The following SLC30A9 variants were observed in gnomAD, a reference collection of about 807,000 sequenced individuals.
SLC30A9 encodes solute carrier family 30 member 9.
Under a neutral mutation model 87.5 loss-of-function variants are expected in SLC30A9, and 58 were observed. The ratio of observed to expected loss-of-function variants is 0.66; its 90% CI spans 0.54 to 0.82. The LOEUF is 0.82. SLC30A9 is among the 40% of genes least tolerant of loss of function. The pLI, the probability that SLC30A9 is intolerant of heterozygous loss-of-function variation, is 0.00. For synonymous variants in SLC30A9, 234 were observed against 233.0 expected (o/e 1.00, Z -0.04); for missense variants, 557 against 679.1 (o/e 0.82, Z 2.00).
At chr4:42,001,502 G>C (rs1714981912) in intron 1 of SLC30A9, 114 bp from the exon 2 acceptor site, 1 of 527,570 alleles carries the variant, frequency 1.9e-6, no homozygotes, top group Admixed American at 3.4e-5. Context: ...TTTACAAAAT[G>C]GTATTTCATG....
At chr4:42,084,112 C>T (rs1199769575) in intron 17 of SLC30A9, among the ~76,000 whole-genome samples, 3 of 152,172 alleles carry the variant, frequency 2.0e-5, no homozygotes, top group East Asian at 3.8e-4. Flanking sequence ...AGGAACTTTT[C>T]TCCCCTTTTT....
At chr4:42,083,885 C>T (rs1479540501) in intron 17 of SLC30A9, among the ~76,000 whole-genome samples, 1 of 152,074 alleles carries the variant, frequency 6.6e-6, no homozygotes, top group Non-Finnish European at 1.5e-5. Flanking sequence ...CCTGGTCATT[C>T]CCACATTAGG....
chr4:42,033,031 T>C (rs1286850848), intron 6 of SLC30A9, among the ~76,000 whole-genome samples: 1 of 152,192 alleles, frequency 6.6e-6, no homozygotes, highest in Non-Finnish European at 1.5e-5. Flanking sequence ...CTTTGTATCT[T>C]TAGTATATAT....
intron 11 of SLC30A9, among the ~76,000 whole-genome samples, chr4:42,064,925 T>C (rs1196197468): frequency 1.3e-5 from 2 of 152,182 alleles, no homozygotes; most frequent in Non-Finnish European, 2.9e-5. Context: ...CACCCCTGTC[T>C]AAAGCTTTTT....
chr4:42,076,688 G>A (rs1718562095), intron 16 of SLC30A9, among the ~76,000 whole-genome samples: 1 of 152,074 alleles, frequency 6.6e-6, no homozygotes, highest in African/African-American at 2.4e-5. Context: ...CCATGGCCGG[G>A]CGCGGTGGCT....
At chr4:42,062,910 T>C in intron 10 of SLC30A9, 76 bp from the exon 11 acceptor site, 1 of 1,216,766 alleles carries the variant, frequency 8.2e-7, no homozygotes. Context: ...GTCTTTTTCA[T>C]TGACCTATTA....
At chr4:42,001,095 A>C (rs1714963867) in intron 1 of SLC30A9, among the ~76,000 whole-genome samples, 1 of 152,078 alleles carries the variant, frequency 6.6e-6, no homozygotes, top group Non-Finnish European at 1.5e-5. Flanking sequence ...TTCTTCACTC[A>C]ATTAAAATTC....
chr4:41,994,702 A>G (rs972012825), intron 1 of SLC30A9, among the ~76,000 whole-genome samples: 3 of 151,746 alleles, frequency 2.0e-5, no homozygotes, highest in Non-Finnish European at 2.9e-5. Flanking sequence ...AGTCTGGCCA[A>G]CATCGTGAAA....
intron 14 of SLC30A9, 59 bp from the exon 15 acceptor site, chr4:42,070,467 A>G: frequency 7.4e-7 from 1 of 1,357,996 alleles, no homozygotes; most frequent in Admixed American, 1.9e-5. Context: ...GCTCTCTATA[A>G]AGTTCACTGA....
At chr4:42,047,408 A>G (rs1256390653) in intron 8 of SLC30A9, among the ~76,000 whole-genome samples, 1 of 152,260 alleles carries the variant, frequency 6.6e-6, no homozygotes, top group Non-Finnish European at 1.5e-5. Context: ...TGCATCAAAA[A>G]GTGGGTGAAG....
At chr4:42,033,502 AT>A (rs1372228849) in intron 6 of SLC30A9, among the ~76,000 whole-genome samples, 3 of 152,014 alleles carry the variant, frequency 2.0e-5, no homozygotes, top group Non-Finnish European at 4.4e-5. Flanking sequence ...TAAAAATAAT[AT>A]TTTTTAAAAA....
chr4:42,006,171 T>G (rs2153133506), intron 2 of SLC30A9, among the ~76,000 whole-genome samples: 1 of 152,356 alleles, frequency 6.6e-6, no homozygotes, highest in Middle Eastern at 3.4e-3. Flanking sequence ...TATATGCAAA[T>G]ACTGCACCAT....
chr4:42,001,879 C>A, intron 2 of SLC30A9, 99 bp downstream of exon 2: 2 of 699,744 alleles, frequency 2.9e-6, no homozygotes, highest in South Asian at 2.2e-5. Context: ...ACTTATAATA[C>A]TGTCTGGACT....
At chr4:42,051,553 T>G (rs1717384651) in intron 9 of SLC30A9, among the ~76,000 whole-genome samples, 1 of 151,988 alleles carries the variant, frequency 6.6e-6, no homozygotes, top group Non-Finnish European at 1.5e-5. Context: ...AAATCAAAGG[T>G]ATAAAAAATA....
At chr4:42,054,035 G>T (rs1001758618) in intron 9 of SLC30A9, among the ~76,000 whole-genome samples, 2 of 152,276 alleles carry the variant, frequency 1.3e-5, no homozygotes, top group African/African-American at 4.8e-5. Flanking sequence ...TGTTTCAAGG[G>T]TATGTGTATT....
chr4:42,006,686 CA>C (rs61627323), intron 2 of SLC30A9, among the ~76,000 whole-genome samples: 113 of 129,324 alleles, frequency 8.7e-4, no homozygotes, highest in Middle Eastern at 3.8e-3. Flanking sequence ...GACCCTGTCT[CA>C]AAAAAAAAAA....
chr4:42,067,025 T>G, intron 13 of SLC30A9, 60 bp from the exon 14 acceptor site: 1 of 925,624 alleles, frequency 1.1e-6, no homozygotes. Context: ...AAATGTTACC[T>G]GATAGTATCA....
chr4:42,038,579 A>G (rs1270353435), intron 7 of SLC30A9, among the ~76,000 whole-genome samples: 1 of 152,236 alleles, frequency 6.6e-6, no homozygotes, highest in Non-Finnish European at 1.5e-5. Context: ...AGTTGAGATC[A>G]CATGGACAAG....
At chr4:42,024,138 A>G (rs9998823) in intron 6 of SLC30A9, among the ~76,000 whole-genome samples, 98,368 of 152,130 alleles carry the variant, frequency 0.65, 35,995 homozygotes, top group East Asian at 0.96. Flanking sequence ...ATATTTATCC[A>G]ATACCCGCTA....
Sources: allele counts gnomAD v4.1 joint callset (sites outside exome capture counted in the v4.1 genomes callset), GRCh38; gene constraint gnomAD v4.1.1; transcripts MANE v1.5; gene names NCBI Gene and HGNC (gene_info 2026-07-23, HGNC 2026-07-21).